EEF1AKMT1: variants seen among roughly 807,000 people sequenced by gnomAD.
The protein encoded by EEF1AKMT1 is EEF1A lysine methyltransferase 1.
In EEF1AKMT1, 18 loss-of-function variants were observed where a neutral mutation model predicts 21.0. That is an observed-to-expected ratio of 0.86 (90% CI 0.59 to 1.27). EEF1AKMT1 has a LOEUF of 1.27. EEF1AKMT1 is among the 50% of genes most tolerant of loss of function. The pLI is 0.00. For synonymous variants in EEF1AKMT1, 109 were observed against 94.8 expected (o/e 1.15, Z -0.87); for missense variants, 246 against 258.6 (o/e 0.95, Z 0.33).
intron 2 of EEF1AKMT1, among the ~76,000 whole-genome samples, chr13:20,754,272 CT>C (rs71087094): frequency 1.3e-5 from 2 of 149,486 alleles, no homozygotes; most frequent in South Asian, 2.1e-4. Flanking sequence ...GTTTTTTTTT[CT>C]TTTTTTTTCT....
chr13:20,770,113 G>C (rs1168291617), intron 1 of EEF1AKMT1, among the ~76,000 whole-genome samples: 1 of 152,118 alleles, frequency 6.6e-6, no homozygotes, highest in Admixed American at 6.5e-5. Context: ...ACATACAATG[G>C]AATATGATTC....
At chr13:20,737,376 A>G (rs1202616813) in intron 3 of EEF1AKMT1, among the ~76,000 whole-genome samples, 1 of 152,204 alleles carries the variant, frequency 6.6e-6, no homozygotes, top group East Asian at 1.9e-4. Flanking sequence ...AAAATAAATA[A>G]ATACATACAT....
At chr13:20,734,319 G>A (rs2141412160) in intron 3 of EEF1AKMT1, among the ~76,000 whole-genome samples, 1 of 152,302 alleles carries the variant, frequency 6.6e-6, no homozygotes, top group East Asian at 1.9e-4. Flanking sequence ...GGGTCTGGTG[G>A]GGATGGTGGT....
chr13:20,767,376 G>A (rs1021813007), intron 1 of EEF1AKMT1, among the ~76,000 whole-genome samples: 1 of 145,528 alleles, frequency 6.9e-6, no homozygotes, highest in South Asian at 2.2e-4. Context: ...GAATGACTTC[G>A]TTGAACATTC....
intron 1 of EEF1AKMT1, among the ~76,000 whole-genome samples, chr13:20,765,412 T>TTTTTTG (rs2059024426): frequency 8.0e-6 from 1 of 124,846 alleles, no homozygotes; most frequent in African/African-American, 3.2e-5. Context: ...TGGGTTTTTT[T>TTTTTTG]TTTTTTTTTT....
chr13:20,748,726 GTTTTTTT>G (rs750094631), intron 2 of EEF1AKMT1, among the ~76,000 whole-genome samples: 1 of 72,614 alleles, frequency 1.4e-5, no homozygotes, highest in Non-Finnish European at 2.2e-5. Flanking sequence ...TTTTTTTTTG[GTTTTTTT>G]TTTTTTTTTT....
chr13:20,763,288 C>T (rs1374788153), intron 1 of EEF1AKMT1, among the ~76,000 whole-genome samples: 2 of 152,068 alleles, frequency 1.3e-5, no homozygotes, highest in African/African-American at 2.4e-5. Context: ...ACACCACCCC[C>T]CTCCCACCCT....
At chr13:20,767,201 G>A (rs2141440190) in intron 1 of EEF1AKMT1, among the ~76,000 whole-genome samples, 1 of 150,822 alleles carries the variant, frequency 6.6e-6, no homozygotes, top group Middle Eastern at 3.4e-3. Context: ...AGCTACTCGG[G>A]AGGCTGAGGC....
At chr13:20,732,331 A>AT (rs1315490649) in intron 3 of EEF1AKMT1, among the ~76,000 whole-genome samples, 6 of 152,060 alleles carry the variant, frequency 3.9e-5, no homozygotes, top group African/African-American at 7.2e-5. Flanking sequence ...GTAACTTATA[A>AT]TTTTTTTTCT....
At chr13:20,768,131 T>C (rs2059045616) in intron 1 of EEF1AKMT1, among the ~76,000 whole-genome samples, 1 of 152,250 alleles carries the variant, frequency 6.6e-6, no homozygotes, top group African/African-American at 2.4e-5. Flanking sequence ...TTTCCCATTA[T>C]GGATTGTATT....
intron 2 of EEF1AKMT1, among the ~76,000 whole-genome samples, chr13:20,739,401 C>T (rs2058856161): frequency 6.6e-6 from 1 of 152,202 alleles, no homozygotes; most frequent in African/African-American, 2.4e-5. Context: ...CTGACCCCAC[C>T]CACATCCTGC....
At chr13:20,752,261 C>T (rs1286659185) in intron 2 of EEF1AKMT1, among the ~76,000 whole-genome samples, 1 of 152,124 alleles carries the variant, frequency 6.6e-6, no homozygotes, top group Non-Finnish European at 1.5e-5. Context: ...TTTCCCCATT[C>T]AGTATGATGT....
At chr13:20,749,346 T>G (rs2058928643) in intron 2 of EEF1AKMT1, among the ~76,000 whole-genome samples, 1 of 152,174 alleles carries the variant, frequency 6.6e-6, no homozygotes, top group South Asian at 2.1e-4. Flanking sequence ...CTCTCCAGAC[T>G]TGCAGCACAA....
At chr13:20,767,326 A>C (rs935012368) in intron 1 of EEF1AKMT1, among the ~76,000 whole-genome samples, 1 of 151,054 alleles carries the variant, frequency 6.6e-6, no homozygotes, top group Non-Finnish European at 1.5e-5. Context: ...AAAAAAAAAA[A>C]AAAAAGATAT....
chr13:20,732,969 G>A (rs2058806164), intron 3 of EEF1AKMT1, among the ~76,000 whole-genome samples: 1 of 152,006 alleles, frequency 6.6e-6, no homozygotes, highest in Non-Finnish European at 1.5e-5. Context: ...GGAAATTAAA[G>A]TATCTATCTC....
At chr13:20,749,780 C>T (rs1430267983) in intron 2 of EEF1AKMT1, among the ~76,000 whole-genome samples, 1 of 152,170 alleles carries the variant, frequency 6.6e-6, no homozygotes, top group Non-Finnish European at 1.5e-5. Flanking sequence ...TTGAATGTAT[C>T]ACTCTATTTT....
chr13:20,743,728 T>A (rs2058886407), intron 2 of EEF1AKMT1, among the ~76,000 whole-genome samples: 2 of 151,442 alleles, frequency 1.3e-5, no homozygotes, highest in Admixed American at 1.3e-4. Context: ...AATGTGCAGG[T>A]TTGTTGCATA....
intron 2 of EEF1AKMT1, among the ~76,000 whole-genome samples, chr13:20,738,402 T>C (rs2058839575): frequency 1.3e-5 from 2 of 152,208 alleles, no homozygotes; most frequent in African/African-American, 4.8e-5. Flanking sequence ...TATCTATTCA[T>C]AGTTATAAAT....
chr13:20,750,982 CT>C (rs2058937168), intron 2 of EEF1AKMT1, among the ~76,000 whole-genome samples: 1 of 152,142 alleles, frequency 6.6e-6, no homozygotes, highest in African/African-American at 2.4e-5. Context: ...TGTATGTCTT[CT>C]TTTGAGAAAT....
Sources: allele counts gnomAD v4.1 joint callset (sites outside exome capture counted in the v4.1 genomes callset), GRCh38; gene constraint gnomAD v4.1.1; transcripts MANE v1.5; gene names NCBI Gene and HGNC (gene_info 2026-07-23, HGNC 2026-07-21).